The following NSMCE1 variants were observed in gnomAD, a reference collection of about 807,000 sequenced individuals.
NSMCE1 encodes the protein non-structural maintenance of chromosomes element 1 homolog.
In NSMCE1, 18 loss-of-function variants were observed where a neutral mutation model predicts 29.6. The ratio of observed to expected loss-of-function variants is 0.61; its 90% CI spans 0.42 to 0.90. The LOEUF (loss-of-function observed/expected upper bound fraction) is 0.90. NSMCE1 is among the 40% of genes least tolerant of loss of function. The probability of loss-of-function intolerance (pLI) is 0.00; values close to 1 mark genes in which losing one functional copy is unlikely to be tolerated. For missense variants in NSMCE1, 314 were observed against 343.6 expected (o/e 0.91, Z 0.68); for synonymous variants, 124 against 133.4 (o/e 0.93, Z 0.49).
chr16:27,234,271 A>G lies in NSMCE1; in HGVS notation c.259-6T>C. On this transcript the variant is annotated splice_region_variant and splice_polypyrimidine_tract_variant and intron_variant, in intron 3 of 7. Coordinates refer to ENST00000361439, the MANE Select transcript of NSMCE1 (RefSeq NM_145080.4). Reference sequence around the variant, plus strand: ...GAAGTTGTAGCAAGATTCACCTAAGAAATAAGTCAGCACGACAGTCAGGCT... The same window carrying G: ...GAAGTTGTAGCAAGATTCACCTAAGGAATAAGTCAGCACGACAGTCAGGCT... 1.9e-6 allele frequency: 3 copies of G among 1,604,850 alleles called. No homozygotes were observed. Among genetic ancestry groups the G allele is most frequent in the Non-Finnish European group, 2.6e-6 (3 of 1,171,538 alleles).
chr16:27,229,397 C>T (rs965492904), intron 5 of NSMCE1, among the ~76,000 whole-genome samples: 21 of 152,176 alleles, frequency 1.4e-4, no homozygotes, highest in African/African-American at 4.6e-4. Flanking sequence ...CCCATGGGAG[C>T]GGCCACCAGC....
At chr16:27,249,230 A>G (rs1443433090) in intron 2 of NSMCE1, among the ~76,000 whole-genome samples, 1 of 152,074 alleles carries the variant, frequency 6.6e-6, no homozygotes, top group East Asian at 1.9e-4. Context: ...TTCTCTTAGT[A>G]TTTTGCTTGT....
chr16:27,227,185 C>T (rs925026970), intron 5 of NSMCE1, among the ~76,000 whole-genome samples: 2 of 152,252 alleles, frequency 1.3e-5, no homozygotes, highest in African/African-American at 4.8e-5. Context: ...GGGGGTCAGT[C>T]TCCCCAGGGT....
At chr16:27,248,158 C>G (rs1438967828) in intron 2 of NSMCE1, among the ~76,000 whole-genome samples, 3 of 152,134 alleles carry the variant, frequency 2.0e-5, no homozygotes, top group African/African-American at 7.2e-5. Context: ...GATACTCTAT[C>G]TCTGCACAAG....
At chr16:27,234,510 C>T (rs1024480758) in intron 3 of NSMCE1, among the ~76,000 whole-genome samples, 5 of 152,260 alleles carry the variant, frequency 3.3e-5, no homozygotes, top group Admixed American at 3.3e-4. Flanking sequence ...ATTTTCCAAA[C>T]TCAGATAAAT....
chr16:27,233,521 A>G (rs1056208794), intron 4 of NSMCE1, among the ~76,000 whole-genome samples: 3 of 152,190 alleles, frequency 2.0e-5, no homozygotes, highest in Non-Finnish European at 4.4e-5. Context: ...CTGCTCCTCA[A>G]CCTTGGTGGC....
intron 5 of NSMCE1, among the ~76,000 whole-genome samples, chr16:27,228,990 GCA>G (rs1210664719): frequency 1.3e-5 from 2 of 151,698 alleles, no homozygotes; most frequent in Non-Finnish European, 2.9e-5. Flanking sequence ...CTCCAGCAAC[GCA>G]CTCGCTACCG....
rs959505487 is a variant in NSMCE1, at chr16:27,232,719, G to C, written c.483+282C>G. On this transcript the variant is annotated intron_variant, in intron 5 of 7. Coordinates refer to ENST00000361439, the MANE Select transcript of NSMCE1 (RefSeq NM_145080.4). The surrounding 1 kb of genome is among the most constrained non-coding windows in gnomAD (Gnocchi z 4.5). ...GCCCTGCCTTGCAGTCTGTGGGCTA[G>C]AGCCTTGATCCTGGGGCCCAAGTCC... 6.6e-6 allele frequency among the ~76,000 whole-genome samples: 1 copy of C among 152,252 alleles called. No homozygotes were observed. Among genetic ancestry groups the C allele is most frequent in the Non-Finnish European group, 1.5e-5 (1 of 68,038 alleles).
intron 1 of NSMCE1, among the ~76,000 whole-genome samples, chr16:27,264,768 G>A (rs1009861693): frequency 1.3e-5 from 2 of 152,084 alleles, no homozygotes; most frequent in Non-Finnish European, 2.9e-5. Context: ...GGAATATACT[G>A]ATAAACTTGA....
At chr16:27,249,588 G>C (rs1178781150) in intron 2 of NSMCE1, among the ~76,000 whole-genome samples, 1 of 152,152 alleles carries the variant, frequency 6.6e-6, no homozygotes, top group African/African-American at 2.4e-5. Context: ...ACCTATGTGT[G>C]GGTCTGTTAT....
chr16:27,240,622 C>G (rs775712237), intron 2 of NSMCE1, among the ~76,000 whole-genome samples: 2 of 152,288 alleles, frequency 1.3e-5, no homozygotes, highest in Admixed American at 1.3e-4. Context: ...ACAGGAAATG[C>G]CCATCAGTGG....
In NSMCE1 at chr16:27,265,674, T is replaced by C. The variant is rs1304076401; in HGVS notation, c.-12+3032A>G. Among the ~76,000 whole-genome samples the C allele has an allele frequency of 4.6e-5, 7 of 152,140 alleles. No homozygotes were observed. The East Asian group carries it at 1.3e-3, about 29-fold the overall frequency. On this transcript the variant is annotated intron_variant, in intron 1 of 7. Coordinates refer to ENST00000361439, the MANE Select transcript of NSMCE1 (RefSeq NM_145080.4). Reference sequence around the variant, plus strand: ...ACTGAAGAACTACATTAAAACAATATAATCATCCCATAGAATTCAAATCAG... The same window carrying C: ...ACTGAAGAACTACATTAAAACAATACAATCATCCCATAGAATTCAAATCAG...
Position 27,233,028 on chromosome 16 carries a change from C to T in NSMCE1, c.456G>A (p.Lys152=), listed in dbSNP as rs2083778788. ...RKKEAEQVLQ[K]FVQNKWLIEK... ...CAATCAGCCACTTGTTTTGAACAAACTTCTGCAGCACCTGCTCCGCTTCCT... is the reference window on the plus strand; with the variant it reads ...CAATCAGCCACTTGTTTTGAACAAATTTCTGCAGCACCTGCTCCGCTTCCT... Residue 152 remains lysine, a synonymous_variant, in exon 5 of 8, where the codon AAG becomes AAA. Coordinates refer to ENST00000361439, the MANE Select transcript of NSMCE1 (RefSeq NM_145080.4). 6.2e-7 allele frequency: 1 copy of T among 1,614,086 alleles called. No individual in the cohort carries two copies. Among genetic ancestry groups the T allele is most frequent in the South Asian group, 1.1e-5 (1 of 91,088 alleles).
At chr16:27,229,330 A>G (rs1045798645) in intron 5 of NSMCE1, among the ~76,000 whole-genome samples, 1 of 152,206 alleles carries the variant, frequency 6.6e-6, no homozygotes, top group Non-Finnish European at 1.5e-5. Context: ...CATCTGTACC[A>G]GGACTGCAGT....
chr16:27,225,888 C>A, intron 6 of NSMCE1, 42 bp from the exon 7 acceptor site: 1 of 1,608,892 alleles, frequency 6.2e-7, no homozygotes, highest in Non-Finnish European at 8.5e-7. Context: ...TGGTGCACAC[C>A]TCCATGTTCT....
rs913226394 is a variant in NSMCE1 at position 27,263,575 on chromosome 16, G to C, written c.-12+5131C>G. Among the ~76,000 whole-genome samples, 5 of 152,162 alleles carry C rather than the reference G, an allele frequency of 3.3e-5. No homozygotes were observed. The East Asian group carries it at 9.6e-4, about 29-fold the overall frequency. ...GAGGGTGGGAGGAGGAAGAAGAGCA[G>C]AAAATATAACTATCGGGTACTGGAC... On this transcript the variant is annotated intron_variant, in intron 1 of 7. Coordinates refer to ENST00000361439, the MANE Select transcript of NSMCE1 (RefSeq NM_145080.4).
At chr16:27,246,095 C>T (rs561885782) in intron 2 of NSMCE1, among the ~76,000 whole-genome samples, 10 of 152,254 alleles carry the variant, frequency 6.6e-5, no homozygotes, top group South Asian at 6.2e-4. Context: ...GAAACAAACC[C>T]GGGATGAAGG....
chr16:27,225,812 T>G lies in NSMCE1; in HGVS notation c.635A>C (p.His212Pro). 1 of 1,614,148 alleles carries G rather than the reference T, an allele frequency of 6.2e-7. No individual in the cohort carries two copies. The highest frequency in any genetic ancestry group is 8.5e-7 in the Non-Finnish European group (1 of 1,179,994). Reference sequence around the variant, plus strand: ...GAAGTACTTGGCCACGCAGGGTAAGTGCATCCTGATCCCACAGGTTTCGCA... The same window carrying G: ...GAAGTACTTGGCCACGCAGGGTAAGGGCATCCTGATCCCACAGGTTTCGCA... ...QSCETCGIRM[H>P]LPCVAKYFQS... Residue 212 changes from histidine to proline, a missense_variant, in exon 7 of 8, where the codon CAC (histidine) becomes CCC (proline). Physicochemically the swap from His to Pro is moderately conservative, Grantham distance 77. Coordinates refer to ENST00000361439, the MANE Select transcript of NSMCE1 (RefSeq NM_145080.4).
chr16:27,228,483 C>T (rs981335635), intron 5 of NSMCE1, among the ~76,000 whole-genome samples: 16 of 152,000 alleles, frequency 1.1e-4, no homozygotes, highest in African/African-American at 3.4e-4. Flanking sequence ...CCCTGGCCAC[C>T]GCCCTCTTCC....
Sources: allele counts gnomAD v4.1 joint callset (sites outside exome capture counted in the v4.1 genomes callset), GRCh38; gene constraint gnomAD v4.1.1; non-coding constraint Gnocchi (gnomAD v3.1); transcripts MANE v1.5; gene names NCBI Gene and HGNC (gene_info 2026-07-23, HGNC 2026-07-21).